Variants in MACROD2 observed in about 807,000 individuals in gnomAD.
MACROD2 encodes the protein ADP-ribose glycohydrolase MACROD2.
Under a neutral mutation model 70.4 loss-of-function variants are expected in MACROD2, and 36 were observed. The ratio of observed to expected loss-of-function variants is 0.51; its 90% CI spans 0.39 to 0.68. The LOEUF (loss-of-function observed/expected upper bound fraction) is 0.68, where lower values mean the gene tolerates loss of function less well. Among genes scored for constraint, MACROD2 ranks in the 30% least tolerant of loss-of-function variants. MACROD2 has a pLI of 0.00. For missense variants in MACROD2, 496 were observed against 538.4 expected (o/e 0.92, Z 0.78); for synonymous variants, 172 against 178.8 (o/e 0.96, Z 0.30).
intron 8 of MACROD2, among the ~76,000 whole-genome samples, chr20:15,605,455 T>C (rs1342919271): frequency 6.4e-5 from 9 of 140,048 alleles, no homozygotes; most frequent in South Asian, 4.6e-4. Context: ...GATGTAAGCG[T>C]GTGTGTGTGT....
chr20:14,684,648 A>ACCACCCCC (rs2070977501), intron 4 of MACROD2, among the ~76,000 whole-genome samples, 195 bp from the exon 5 acceptor site: 1 of 134,846 alleles, frequency 7.4e-6, no homozygotes. Flanking sequence ...ACATAACCTC[A>ACCACCCCC]CCCCCCCCCC....
At chr20:14,926,341 A>G (rs2074231420) in intron 5 of MACROD2, among the ~76,000 whole-genome samples, 1 of 152,086 alleles carries the variant, frequency 6.6e-6, no homozygotes, top group African/African-American at 2.4e-5. Flanking sequence ...TGAGGTCAAG[A>G]GATCAAGACC....
chr20:14,542,754 C>T (rs894647661), intron 4 of MACROD2, among the ~76,000 whole-genome samples: 1 of 152,102 alleles, frequency 6.6e-6, no homozygotes, highest in African/African-American at 2.4e-5. Flanking sequence ...ATGGGAGAAT[C>T]CAGGTAGTGG....
chr20:14,230,647 ATAT>A lies in MACROD2; in HGVS notation c.271+144920_271+144922del, dbSNP rs1569217330. ...CATTCATGTTTATATATATATATAT[ATAT>A]ATATAACACAGGCTGGGCCTATATA... On this transcript the variant is annotated intron_variant, in intron 3 of 17. Coordinates refer to ENST00000684519, the MANE Select transcript of MACROD2 (RefSeq NM_001351661.2). Among the ~76,000 whole-genome samples, 34 of 21,334 alleles carry A rather than the reference ATAT, an allele frequency of 1.6e-3. 3 individuals carry two copies. The highest frequency in any genetic ancestry group is 1.6e-3 in the Non-Finnish European group (18 of 11,550). 14.0% of individuals were successfully genotyped at this position (21,334 alleles called of 152,430 possible). A position where few individuals can be genotyped will look rare whatever the true frequency, so the allele number is the denominator to read the frequency against.
intron 8 of MACROD2, among the ~76,000 whole-genome samples, chr20:15,668,066 C>G (rs182148088): frequency 6.1e-4 from 93 of 151,874 alleles, no homozygotes; most frequent in African/African-American, 2.1e-3. Flanking sequence ...TCAAGACCAG[C>G]CTGGCCAACT....
intron 5 of MACROD2, among the ~76,000 whole-genome samples, chr20:14,690,813 A>G (rs1456349564): frequency 1.3e-5 from 2 of 152,202 alleles, no homozygotes; most frequent in African/African-American, 4.8e-5. Context: ...GTTGAGTTGT[A>G]GCTACAGGGA....
chr20:14,516,148 G>A (rs960574154), intron 4 of MACROD2, among the ~76,000 whole-genome samples: 7 of 151,142 alleles, frequency 4.6e-5, no homozygotes, highest in Non-Finnish European at 7.4e-5. Context: ...TAAAGCACTT[G>A]GGTATCATAT....
intron 6 of MACROD2, among the ~76,000 whole-genome samples, chr20:15,415,808 C>G (rs931749806): frequency 6.6e-6 from 1 of 152,174 alleles, no homozygotes; most frequent in Non-Finnish European, 1.5e-5. Flanking sequence ...GACCTTATTA[C>G]CTTTCTAATA....
chr20:15,598,968 A>G (rs1446926538), intron 8 of MACROD2, among the ~76,000 whole-genome samples: 1 of 152,172 alleles, frequency 6.6e-6, no homozygotes, highest in Non-Finnish European at 1.5e-5. Context: ...GATCACATTT[A>G]TACCATTATT....
At chr20:15,297,388 A>C (rs1322333386) in intron 6 of MACROD2, among the ~76,000 whole-genome samples, 1 of 152,188 alleles carries the variant, frequency 6.6e-6, no homozygotes, top group Admixed American at 6.6e-5. Context: ...TAAGATCCAA[A>C]AGCTGTCTAC....
At chr20:14,224,477 G>C (rs2081713650) in intron 3 of MACROD2, among the ~76,000 whole-genome samples, 1 of 152,120 alleles carries the variant, frequency 6.6e-6, no homozygotes, top group Admixed American at 6.6e-5. Flanking sequence ...TTTGATCCCA[G>C]CCTACTTCAG....
intron 5 of MACROD2, among the ~76,000 whole-genome samples, chr20:14,990,389 T>A (rs1306302449): frequency 6.6e-6 from 1 of 152,040 alleles, no homozygotes; most frequent in Non-Finnish European, 1.5e-5. Flanking sequence ...TTGAGATATC[T>A]CTGAAGACAG....
At chr20:15,760,946 A>G (rs2051427242) in intron 8 of MACROD2, among the ~76,000 whole-genome samples, 1 of 152,262 alleles carries the variant, frequency 6.6e-6, no homozygotes, top group Admixed American at 6.5e-5. Context: ...AATGAAACCT[A>G]GAAAGGAATT....
intron 6 of MACROD2, among the ~76,000 whole-genome samples, chr20:15,369,564 A>T (rs2146259627): frequency 1.3e-5 from 2 of 152,344 alleles, no homozygotes; most frequent in South Asian, 4.1e-4. Flanking sequence ...TAAATTACAA[A>T]GAAATTCCTT....
intron 3 of MACROD2, among the ~76,000 whole-genome samples, chr20:14,265,282 G>A (rs1286427103): frequency 6.6e-6 from 1 of 152,140 alleles, no homozygotes. Context: ...GTGTGAGAAT[G>A]GGTCCTGGTA....
rs552789027 is a variant in MACROD2 at position 15,026,498 on chromosome 20, A to G, written c.419-203442A>G. 8.0e-5 allele frequency among the ~76,000 whole-genome samples: 12 copies of G among 150,276 alleles called. 1 individual carries two copies. Among genetic ancestry groups the G allele is most frequent in the African/African-American group, 2.2e-4 (9 of 41,270 alleles). On this transcript the variant is annotated intron_variant, in intron 5 of 17. Transcript: ENST00000684519. ...GTTTTGTGTTTGTAAATGATATAAT[A>G]ATATATATAAATATATTTTTTATTT... is the stretch of plus-strand genomic sequence containing the variant.
intron 15 of MACROD2, among the ~76,000 whole-genome samples, chr20:16,035,167 TATAAA>T (rs1207817679): frequency 9.9e-5 from 1 of 10,126 alleles, no homozygotes; most frequent in African/African-American, 2.1e-4. Context: ...TAATATAAAA[TATAAA>T]ATATTATATA....
intron 8 of MACROD2, among the ~76,000 whole-genome samples, chr20:15,790,916 G>A (rs6135518): frequency 0.03 from 4,493 of 151,824 alleles, 318 homozygotes; most frequent in East Asian, 0.29. Flanking sequence ...CAATGTATTT[G>A]GATGAGTTTT....
intron 8 of MACROD2, among the ~76,000 whole-genome samples, chr20:15,741,258 ATTT>A (rs1212650313): frequency 7.1e-6 from 1 of 140,136 alleles, no homozygotes; most frequent in African/African-American, 2.6e-5. Flanking sequence ...CACCCGGCTA[ATTT>A]TTTTTTTTTT....
Sources: gnomAD v4.1 joint callset for allele counts (sites outside exome capture counted in the v4.1 genomes callset) on GRCh38, gnomAD v4.1.1 for gene constraint, MANE v1.5 for transcripts, NCBI Gene and HGNC (gene_info 2026-07-23, HGNC 2026-07-21) for gene names.